The following ATP9B variants were observed in gnomAD, a reference collection of about 807,000 sequenced individuals.
ATP9B encodes the protein probable phospholipid-transporting ATPase IIB.
A neutral mutation model predicts 146.1 loss-of-function variants in ATP9B; 110 were observed. The ratio of observed to expected loss-of-function variants is 0.75; its 90% CI spans 0.65 to 0.88. The LOEUF (loss-of-function observed/expected upper bound fraction) is 0.88. ATP9B is among the 40% of genes least tolerant of loss of function. ATP9B has a pLI of 0.00. For synonymous variants in ATP9B, 604 were observed against 569.7 expected, an observed-to-expected ratio of 1.06 and a Z score of -0.86; for missense variants, 1,499 against 1,496.4, an observed-to-expected ratio of 1.00 and a Z score of -0.03.
At chr18:79,376,062 C>T (rs755765080) in intron 29 of ATP9B, 17 of 984,794 alleles carry the variant, frequency 1.7e-5, no homozygotes, top group South Asian at 9.4e-5. Context: ...CTGGGTGGGC[C>T]GGGCTCAGAG....
intron 13 of ATP9B, among the ~76,000 whole-genome samples, chr18:79,281,051 A>G (rs905824608): frequency 2.0e-5 from 3 of 152,192 alleles, no homozygotes; most frequent in Non-Finnish European, 2.9e-5. Context: ...CCAACTTAAG[A>G]ATAGTAAAAT....
chr18:79,177,942 T>A (rs2095199831), intron 8 of ATP9B, among the ~76,000 whole-genome samples: 1 of 152,206 alleles, frequency 6.6e-6, no homozygotes, highest in African/African-American at 2.4e-5. Context: ...AATTTATATG[T>A]TTAGAGTTAT....
intron 7 of ATP9B, among the ~76,000 whole-genome samples, chr18:79,166,894 A>G (rs2094974825): frequency 6.6e-6 from 1 of 152,034 alleles, no homozygotes; most frequent in Non-Finnish European, 1.5e-5. Flanking sequence ...CAGAGTGGCA[A>G]GGTGTGTGTG....
intron 1 of ATP9B, chr18:79,085,474 A>G (rs551955085): frequency 3.2e-4 from 48 of 152,366 alleles, no homozygotes; most frequent in African/African-American, 1.0e-3. Flanking sequence ...CGTGTGCCAC[A>G]CATAGTAGCT....
chr18:79,242,373 T>C (rs137935138), intron 11 of ATP9B, among the ~76,000 whole-genome samples: 3 of 152,334 alleles, frequency 2.0e-5, no homozygotes, highest in African/African-American at 7.2e-5. Flanking sequence ...CTGTCCCCCG[T>C]GGCACTGCAC....
intron 14 of ATP9B, 56 bp downstream of exon 14, chr18:79,303,772 T>G (rs984981069): frequency 8.4e-6 from 11 of 1,305,474 alleles, no homozygotes; most frequent in East Asian, 2.3e-5. Context: ...GCGCCATGAG[T>G]CCAGCTGAGC....
intron 20 of ATP9B, 64 bp from the exon 21 acceptor site, chr18:79,344,201 G>A: frequency 1.4e-6 from 2 of 1,431,314 alleles, no homozygotes; most frequent in Non-Finnish European, 2.0e-6. Context: ...ATAATGCCCT[G>A]TTTCTCTGTG....
chr18:79,347,098 C>T (rs1028955424), intron 23 of ATP9B, among the ~76,000 whole-genome samples: 8 of 152,228 alleles, frequency 5.3e-5, no homozygotes, highest in African/African-American at 9.6e-5. Context: ...GTTTTCCACG[C>T]ACCATTCTCT....
intron 7 of ATP9B, among the ~76,000 whole-genome samples, chr18:79,157,180 G>A (rs1568296096): frequency 6.7e-6 from 1 of 148,586 alleles, no homozygotes; most frequent in Non-Finnish European, 1.5e-5. Flanking sequence ...TGCCAACATG[G>A]CAAAACCCCG....
intron 26 of ATP9B, chr18:79,372,502 C>G (rs1226658492): frequency 6.0e-6 from 3 of 500,434 alleles, no homozygotes; most frequent in Non-Finnish European, 1.2e-5. Context: ...TTGCCAAGAG[C>G]CTTTCCCCCT....
intron 13 of ATP9B, among the ~76,000 whole-genome samples, chr18:79,286,400 C>A (rs1348084954): frequency 2.9e-4 from 44 of 150,340 alleles, no homozygotes; most frequent in Admixed American, 2.9e-3. Context: ...GGAGTTCACT[C>A]ATGATTTGGC....
chr18:79,320,395 C>T (rs977645609), intron 15 of ATP9B, among the ~76,000 whole-genome samples: 3 of 152,092 alleles, frequency 2.0e-5, no homozygotes, highest in African/African-American at 4.8e-5. Flanking sequence ...GGGGTTGAGC[C>T]GAAAGTAAGA....
chr18:79,160,719 A>T (rs1405445880), intron 7 of ATP9B, among the ~76,000 whole-genome samples: 1 of 152,196 alleles, frequency 6.6e-6, no homozygotes, highest in East Asian at 1.9e-4. Flanking sequence ...CTTGCTTAAC[A>T]TTATATGACT....
At chr18:79,278,407 A>T (rs977536321) in intron 13 of ATP9B, among the ~76,000 whole-genome samples, 1 of 152,190 alleles carries the variant, frequency 6.6e-6, no homozygotes, top group Non-Finnish European at 1.5e-5. Flanking sequence ...AAGAAATCAC[A>T]TGGGATATTC....
At chr18:79,165,233 C>T (rs2094947609) in intron 7 of ATP9B, among the ~76,000 whole-genome samples, 1 of 152,202 alleles carries the variant, frequency 6.6e-6, no homozygotes, top group African/African-American at 2.4e-5. Flanking sequence ...TGGTGTTCAG[C>T]TTCTGACTGT....
At chr18:79,363,546 A>G (rs139603287) in intron 26 of ATP9B, 46 of 152,336 alleles carry the variant, frequency 3.0e-4, no homozygotes, top group Non-Finnish European at 5.6e-4. Context: ...ATGTTCCTGG[A>G]TTGAGAGGCG....
chr18:79,252,622 A>T (rs932981799), intron 11 of ATP9B, among the ~76,000 whole-genome samples: 1 of 152,214 alleles, frequency 6.6e-6, no homozygotes, highest in Admixed American at 6.5e-5. Context: ...GATCCTATAC[A>T]GAATGCAGCC....
intron 9 of ATP9B, among the ~76,000 whole-genome samples, chr18:79,206,016 C>T (rs1171972438): frequency 1.3e-5 from 2 of 151,834 alleles, no homozygotes; most frequent in African/African-American, 2.4e-5. Context: ...TCTTGGCTCA[C>T]TGCAAGCTCT....
chr18:79,135,537 C>T (rs923189066), intron 5 of ATP9B, among the ~76,000 whole-genome samples: 2 of 152,152 alleles, frequency 1.3e-5, no homozygotes, highest in Admixed American at 1.3e-4. Context: ...CAGTTAGGCC[C>T]CTCTTTCCGG....
Sources: allele counts gnomAD v4.1 joint callset (sites outside exome capture counted in the v4.1 genomes callset), GRCh38; gene constraint gnomAD v4.1.1; transcripts MANE v1.5; gene names NCBI Gene and HGNC (gene_info 2026-07-23, HGNC 2026-07-21).